The following AFG2B variants were observed in gnomAD, a reference collection of about 807,000 sequenced individuals.
AFG2B encodes the protein AAA ATPase AFG2B.
At chr15:45,405,901 A>C in the AFG2B span, among the ~76,000 whole-genome samples, 1 of 152,154 alleles carries the variant, frequency 6.6e-6, no homozygotes, top group South Asian at 2.1e-4. Flanking sequence ...AGATTCTCCA[A>C]ATGTAACATT....
chr15:45,421,135 G>A, the AFG2B span: 49 of 1,612,998 alleles, frequency 3.0e-5, no homozygotes, highest in African/African-American at 4.5e-4. Context: ...TAAAACCGTC[G>A]TTAAGTTGCA....
the AFG2B span, chr15:45,415,539 G>A: frequency 7.6e-7 from 1 of 1,311,424 alleles, no homozygotes; most frequent in Non-Finnish European, 1.1e-6. Context: ...AATATCACAT[G>A]ACTAATGTAT....
chr15:45,410,452 C>T, the AFG2B span: 1 of 1,613,760 alleles, frequency 6.2e-7, no homozygotes. Flanking sequence ...TTCGAAGCGT[C>T]ATTGGATTAA....
the AFG2B span, among the ~76,000 whole-genome samples, chr15:45,419,066 G>A: frequency 6.6e-6 from 1 of 152,160 alleles, no homozygotes; most frequent in African/African-American, 2.4e-5. Flanking sequence ...GAATGTTTGA[G>A]GTGGAGAGAA....
At chr15:45,415,452 C>T in the AFG2B span, 16 of 709,788 alleles carry the variant, frequency 2.3e-5, no homozygotes, top group East Asian at 8.6e-5. Flanking sequence ...GAGCTGAAAT[C>T]GCATCACTAC....
the AFG2B span, chr15:45,410,423 A>T: frequency 1.2e-6 from 2 of 1,613,906 alleles, no homozygotes; most frequent in Non-Finnish European, 8.5e-7. Flanking sequence ...AGCTTTTAAA[A>T]ATATTCAGCC....
At chr15:45,411,232 C>T in the AFG2B span, among the ~76,000 whole-genome samples, 6 of 152,166 alleles carry the variant, frequency 3.9e-5, no homozygotes, top group African/African-American at 1.2e-4. Flanking sequence ...ATAGTCTTAG[C>T]ACTTTAGAAG....
chr15:45,417,539 TCTTC>T, the AFG2B span: 3 of 769,022 alleles, frequency 3.9e-6, no homozygotes, highest in Non-Finnish European at 6.0e-6. Flanking sequence ...ATAATTTTGA[TCTTC>T]CTTTGTTGGA....
the AFG2B span, chr15:45,421,075 A>C: frequency 6.2e-7 from 1 of 1,612,946 alleles, no homozygotes; most frequent in Middle Eastern, 1.7e-4. Context: ...AAAATGGACT[A>C]GACGCAACTA....
the AFG2B span, among the ~76,000 whole-genome samples, chr15:45,404,394 A>T: frequency 6.6e-6 from 1 of 152,132 alleles, no homozygotes; most frequent in Non-Finnish European, 1.5e-5. Context: ...AGCCAGTGTT[A>T]CTCCTCTGGA....
At chr15:45,421,255 A>T in the AFG2B span, 1 of 1,391,206 alleles carries the variant, frequency 7.2e-7, no homozygotes, top group Non-Finnish European at 9.7e-7. Flanking sequence ...TTGAAATGTG[A>T]ACTTGCCTGT....
chr15:45,410,258 G>T, the AFG2B span: 1 of 1,197,626 alleles, frequency 8.3e-7, no homozygotes, highest in Non-Finnish European at 1.2e-6. Flanking sequence ...TTTTTATAAT[G>T]ATAACAAAAT....
At chr15:45,412,380 C>T in the AFG2B span, among the ~76,000 whole-genome samples, 1 of 150,794 alleles carries the variant, frequency 6.6e-6, no homozygotes, top group Non-Finnish European at 1.5e-5. Flanking sequence ...TAGCCTGGGA[C>T]AGAGTGAGAC....
At chr15:45,421,270 T>C in the AFG2B span, 1 of 1,179,340 alleles carries the variant, frequency 8.5e-7, no homozygotes, top group Non-Finnish European at 1.2e-6. Flanking sequence ...GCCTGTCGTT[T>C]GCAACTTCAC....
chr15:45,417,839 A>G, the AFG2B span: 1 of 153,762 alleles, frequency 6.5e-6, no homozygotes, highest in African/African-American at 2.4e-5. Context: ...GCAGTGTATC[A>G]TGGTCAACCA....
At chr15:45,410,334 T>C in the AFG2B span, 1 of 1,594,458 alleles carries the variant, frequency 6.3e-7, no homozygotes. Flanking sequence ...CAACCTAATT[T>C]TTGGTTTGAT....
the AFG2B span, chr15:45,403,500 C>T: frequency 6.2e-7 from 1 of 1,602,404 alleles, no homozygotes; most frequent in Non-Finnish European, 8.5e-7. Flanking sequence ...TGCGTAGGCC[C>T]GGGAGATTTG....
chr15:45,405,507 T>C, the AFG2B span: 6 of 1,610,344 alleles, frequency 3.7e-6, no homozygotes, highest in Admixed American at 6.7e-5. Flanking sequence ...AGTGAGAAGG[T>C]AAGAAGTGTT....
the AFG2B span, chr15:45,418,439 C>G: frequency 1.0e-6 from 1 of 973,464 alleles, no homozygotes; most frequent in Non-Finnish European, 1.5e-6. Flanking sequence ...CTTTCTAACC[C>G]CTATATATAT....
Sources: allele counts gnomAD v4.1 joint callset (sites outside exome capture counted in the v4.1 genomes callset), GRCh38; gene constraint gnomAD v4.1.1; transcripts MANE v1.5; gene names NCBI Gene and HGNC (gene_info 2026-07-23, HGNC 2026-07-21).